The following TSPEAR variants were observed in gnomAD, a reference collection of about 807,000 sequenced individuals.
TSPEAR encodes the protein thrombospondin type laminin G domain and EAR repeats.
TSPEAR carries 69 observed loss-of-function variants against 71.6 expected under a neutral mutation model. That is an observed-to-expected ratio of 0.96 (90% confidence interval 0.79 to 1.18). The LOEUF (loss-of-function observed/expected upper bound fraction) is 1.18, where lower values mean the gene tolerates loss of function less well. TSPEAR is among the 50% of genes most tolerant of loss of function. TSPEAR has a pLI of 0.00. For synonymous variants in TSPEAR, 402 were observed against 387.2 expected (o/e 1.04, Z -0.45); for missense variants, 971 against 894.9 (o/e 1.09, Z -1.09).
In TSPEAR at chr21:44,517,033, C is replaced by A. The variant is rs2052595762; in HGVS notation, c.1566+4850G>T. On this transcript the variant is annotated intron_variant, in intron 9 of 11. Transcript: ENST00000323084. ...ACAGGAAGGCCGTCCTGGCCTGGCC[C>A]CTGTGTCTCTGCCTTCCTCGACTCC... Among the ~76,000 whole-genome samples the A allele has an allele frequency of 2.0e-5, 3 of 152,176 alleles. No homozygotes were observed. In the South Asian group the frequency reaches 6.2e-4, roughly 32 times the overall value.
chr21:44,582,332 G>A (rs587725205), intron 1 of TSPEAR, among the ~76,000 whole-genome samples: 2 of 152,292 alleles, frequency 1.3e-5, no homozygotes, highest in South Asian at 2.1e-4. Flanking sequence ...TTCCCTCACG[G>A]CCATACATGG....
chr21:44,578,147 G>A (rs1024179189), intron 1 of TSPEAR, among the ~76,000 whole-genome samples: 4 of 152,134 alleles, frequency 2.6e-5, no homozygotes, highest in African/African-American at 7.2e-5. Flanking sequence ...GCCCAGTCTT[G>A]GGTATGTCTT....
intron 1 of TSPEAR, chr21:44,574,161 T>C (rs1978306283): frequency 6.2e-7 from 1 of 1,601,406 alleles, no homozygotes. Flanking sequence ...GGATTCTTCA[T>C]GCTGCCAGCA....
At chr21:44,683,497 C>T (rs1314102759) in intron 1 of TSPEAR, among the ~76,000 whole-genome samples, 6 of 96,354 alleles carry the variant, frequency 6.2e-5, no homozygotes, top group African/African-American at 2.4e-4. Context: ...GAGACTCTGT[C>T]TCTACAAAAA....
At chr21:44,542,306 C>A (rs2053234241) in intron 2 of TSPEAR, among the ~76,000 whole-genome samples, 1 of 152,034 alleles carries the variant, frequency 6.6e-6, no homozygotes, top group Admixed American at 6.5e-5. Flanking sequence ...GAAAGTGGAG[C>A]AATAAACATG....
At chr21:44,529,352 C>T (rs587750650) in intron 5 of TSPEAR, among the ~76,000 whole-genome samples, 5 of 152,232 alleles carry the variant, frequency 3.3e-5, no homozygotes, top group South Asian at 4.1e-4. Flanking sequence ...TCGTGGAAGA[C>T]GTGAGTGTAG....
At chr21:44,532,315 C>T (rs782035098) in intron 3 of TSPEAR, among the ~76,000 whole-genome samples, 46 of 152,260 alleles carry the variant, frequency 3.0e-4, no homozygotes, top group Non-Finnish European at 5.0e-4. Context: ...CAGGCGCTGC[C>T]GCCACGTCAT....
intron 1 of TSPEAR, among the ~76,000 whole-genome samples, chr21:44,597,375 T>C (rs1980429718): frequency 6.6e-6 from 1 of 151,970 alleles, no homozygotes; most frequent in Non-Finnish European, 1.5e-5. Context: ...GTGTGGTGTA[T>C]TTTCTTCCAT....
intron 3 of TSPEAR, among the ~76,000 whole-genome samples, chr21:44,532,848 A>T (rs1265535983): frequency 5.3e-5 from 8 of 152,206 alleles, no homozygotes; most frequent in African/African-American, 1.9e-4. Flanking sequence ...CATTGTGTCC[A>T]AGGCTACAAA....
chr21:44,593,722 G>A lies in TSPEAR; in HGVS notation c.83-25717C>T, dbSNP rs868932646. 2.0e-5 allele frequency among the ~76,000 whole-genome samples: 3 copies of A among 152,194 alleles called. No homozygotes were observed. The highest frequency in any genetic ancestry group is 7.2e-5 in the African/African-American group (3 of 41,456). ...AATTACAAACAGGACCTCAGGCCGC[G>A]CCAGGCAAGGGACAAGCCGCGTGCC... On this transcript the variant is annotated intron_variant, in intron 1 of 11. Coordinates refer to ENST00000323084, the MANE Select transcript of TSPEAR (RefSeq NM_144991.3). The surrounding 1 kb of genome is among the most constrained non-coding windows in gnomAD (Gnocchi z 5.9).
intron 2 of TSPEAR, chr21:44,557,956 G>A: frequency 7.1e-7 from 1 of 1,416,738 alleles, no homozygotes; most frequent in Non-Finnish European, 9.6e-7. Context: ...CAGTGGCTAT[G>A]GGCAGAGGAG....
intron 1 of TSPEAR, among the ~76,000 whole-genome samples, chr21:44,684,043 T>A (rs1986742020): frequency 6.6e-6 from 1 of 152,144 alleles, no homozygotes; most frequent in Non-Finnish European, 1.5e-5. Context: ...TCCAGGCACA[T>A]CATGAAGTGA....
At chr21:44,698,558 G>A (rs1174778317) in intron 1 of TSPEAR, among the ~76,000 whole-genome samples, 17 of 152,278 alleles carry the variant, frequency 1.1e-4, no homozygotes, top group African/African-American at 4.1e-4. Flanking sequence ...TCACTCGCAG[G>A]CACAGCCGTC....
At chr21:44,548,327 C>T (rs2053335679) in intron 2 of TSPEAR, among the ~76,000 whole-genome samples, 1 of 152,224 alleles carries the variant, frequency 6.6e-6, no homozygotes, top group Non-Finnish European at 1.5e-5. Flanking sequence ...TTAAAATCCA[C>T]AAGGTTGTCC....
intron 1 of TSPEAR, among the ~76,000 whole-genome samples, chr21:44,648,687 C>T (rs587651610): frequency 5.9e-5 from 9 of 152,326 alleles, no homozygotes; most frequent in South Asian, 2.1e-4. Context: ...AGCGGGCAGA[C>T]GCACCCAGGG....
intron 2 of TSPEAR, chr21:44,539,178 C>G: frequency 6.8e-7 from 1 of 1,463,878 alleles, no homozygotes; most frequent in South Asian, 1.3e-5. Context: ...GTCACCTCAG[C>G]ACAGGGGAGA....
At chr21:44,600,952 G>A (rs944419) in intron 1 of TSPEAR, 117,146 of 1,600,336 alleles carry the variant, frequency 0.073, 4,647 homozygotes, top group East Asian at 0.16. Context: ...GGCCTGCTGC[G>A]TGCCCGTCTG....
In TSPEAR at chr21:44,546,594, C is replaced by T. The variant is rs144793633; in HGVS notation, c.304-12671G>A. Among the ~76,000 whole-genome samples, 1,897 of 152,324 alleles carry T rather than the reference C, an allele frequency of 0.012. 44 individuals carry two copies. Among genetic ancestry groups the T allele is most frequent in the African/African-American group, 0.043 (1,802 of 41,548 alleles). ...CCACCTGCCTTGGCCTCCCAAAGTGCTGGGATTACAGGCATGAGCCACTGC... is the reference window on the plus strand; with the variant it reads ...CCACCTGCCTTGGCCTCCCAAAGTGTTGGGATTACAGGCATGAGCCACTGC... On this transcript the variant is annotated intron_variant, in intron 2 of 11. Coordinates refer to ENST00000323084, the MANE Select transcript of TSPEAR (RefSeq NM_144991.3). The surrounding 1 kb of genome is among the most constrained non-coding windows in gnomAD (Gnocchi z 4.4).
chr21:44,582,204 G>A (rs1327590547), intron 1 of TSPEAR, among the ~76,000 whole-genome samples: 1 of 152,218 alleles, frequency 6.6e-6, no homozygotes, highest in Non-Finnish European at 1.5e-5. Context: ...CAGCCACCGC[G>A]TGAGGGGTGA....
Sources: gnomAD v4.1 joint callset for allele counts (sites outside exome capture counted in the v4.1 genomes callset) on GRCh38, gnomAD v4.1.1 for gene constraint, Gnocchi (gnomAD v3.1) non-coding constraint, MANE v1.5 for transcripts, NCBI Gene and HGNC (gene_info 2026-07-23, HGNC 2026-07-21) for gene names.